The following RASEF variants were observed in gnomAD, a reference collection of about 807,000 sequenced individuals.
RASEF encodes RAS and EF-hand domain containing, also known as ras and EF-hand domain-containing protein.
RASEF carries 68 observed loss-of-function variants against 90.1 expected under a neutral mutation model. The ratio of observed to expected loss-of-function variants is 0.75; its 90% CI spans 0.62 to 0.92. The LOEUF (loss-of-function observed/expected upper bound fraction) is 0.92. Among genes scored for constraint, RASEF ranks in the 40% least tolerant of loss-of-function variants. The probability of loss-of-function intolerance (pLI) is 0.00; values close to 1 mark genes in which losing one functional copy is unlikely to be tolerated. For synonymous variants in RASEF, 331 were observed against 345.2 expected (o/e 0.96, Z 0.46); for missense variants, 949 against 937.2 (o/e 1.01, Z -0.16).
At chr9:83,059,989 C>A (rs923170036) in intron 1 of RASEF, among the ~76,000 whole-genome samples, 1 of 152,154 alleles carries the variant, frequency 6.6e-6, no homozygotes, top group African/African-American at 2.4e-5. Flanking sequence ...GCGAGTTTAA[C>A]CCAAAATTGC....
chr9:83,023,479 C>A (rs2118565043), intron 2 of RASEF, among the ~76,000 whole-genome samples: 1 of 151,680 alleles, frequency 6.6e-6, no homozygotes, highest in East Asian at 1.9e-4. Context: ...GACTTATTTA[C>A]TCCCTCACAC....
At chr9:83,129,218 A>G in the RASEF span, among the ~76,000 whole-genome samples, 3 of 152,188 alleles carry the variant, frequency 2.0e-5, no homozygotes, top group East Asian at 1.9e-4. Context: ...CATCCTGTCT[A>G]ACATGGTGAA....
the RASEF span, among the ~76,000 whole-genome samples, chr9:83,095,686 A>C: frequency 1.1e-3 from 161 of 152,104 alleles, no homozygotes; most frequent in African/African-American, 3.6e-3. Flanking sequence ...TTTACGGCTG[A>C]GTGAATAAAT....
chr9:83,035,880 C>T (rs1367404513), intron 1 of RASEF, among the ~76,000 whole-genome samples: 1 of 152,238 alleles, frequency 6.6e-6, no homozygotes, highest in Admixed American at 6.5e-5. Context: ...ATCCTGTCCA[C>T]ATGAAGCATC....
At chr9:83,102,062 A>T in the RASEF span, among the ~76,000 whole-genome samples, 1 of 152,112 alleles carries the variant, frequency 6.6e-6, no homozygotes, top group African/African-American at 2.4e-5. Flanking sequence ...TGAAAAAAAA[A>T]AGATGGCACA....
rs772674928 is a variant in RASEF, at chr9:83,000,570, C to G, written c.1438G>C (p.Val480Leu). The G allele has an allele frequency of 6.3e-7, 1 of 1,581,588 alleles. No homozygotes were observed. Among genetic ancestry groups the G allele is most frequent in the African/African-American group, 1.4e-5 (1 of 72,768 alleles). ...GTCTCTTCATCCCTTATGTCAGGAACCTATTTTTTTTAAAATGTCAGCAGT... is the reference window on the plus strand; with the variant it reads ...GTCTCTTCATCCCTTATGTCAGGAAGCTATTTTTTTTAAAATGTCAGCAGT... ...SFGGDASDTD[V>L]PDIRDEETFG... Residue 480 changes from valine (V) to leucine (L), a missense_variant and splice_region_variant, in exon 11 of 17, where the codon GTT becomes CTT. Physicochemically the swap from Val to Leu is conservative, Grantham distance 32 (BLOSUM62 1). Around this residue, in one of 3 missense-constraint regions of RASEF, gnomAD observed 288 missense variants for 328.4 expected, o/e 0.88. Transcript: ENST00000376447.
In RASEF at chr9:83,062,835, G is replaced by T. The variant is rs768734649; in HGVS notation, c.33C>A (p.Ala11=). MEADGDGEEL[A]RLRSVFAACD... is the part of the protein sequence containing the mutation. ...AGGCGGCGAAGACTGAGCGCAGCCG[G>T]GCCAGCTCCTCTCCGTCCCCATCCG... The change falls in exon 1 of 17, where the codon GCC becomes GCA. Residue 11 remains alanine, a synonymous_variant. Coordinates refer to ENST00000376447, the MANE Select transcript of RASEF (RefSeq NM_152573.4). The T allele has an allele frequency of 1.3e-6, 2 of 1,545,696 alleles. No individual in the cohort carries two copies. Among genetic ancestry groups the T allele is most frequent in the Non-Finnish European group, 1.7e-6 (2 of 1,157,166 alleles).
chr9:83,031,031 A>G (rs1025576758), intron 1 of RASEF, among the ~76,000 whole-genome samples: 1 of 152,190 alleles, frequency 6.6e-6, no homozygotes, highest in African/African-American at 2.4e-5. Flanking sequence ...CTGAATCACC[A>G]CATGGTGGAA....
the RASEF span, among the ~76,000 whole-genome samples, chr9:83,121,041 A>G: frequency 6.6e-6 from 1 of 152,196 alleles, no homozygotes; most frequent in African/African-American, 2.4e-5. Flanking sequence ...TTCATATTAC[A>G]GTTGCTTTGG....
the RASEF span, among the ~76,000 whole-genome samples, chr9:83,136,891 G>A: frequency 6.6e-6 from 1 of 151,812 alleles, no homozygotes; most frequent in Non-Finnish European, 1.5e-5. Context: ...TTAATTATAT[G>A]AACTGTTTAA....
the RASEF span, among the ~76,000 whole-genome samples, chr9:83,193,752 ATGAC>A: frequency 6.6e-6 from 1 of 152,228 alleles, no homozygotes; most frequent in Non-Finnish European, 1.5e-5. Context: ...CAGGCAATAA[ATGAC>A]TGAAGACAAA....
the RASEF span, among the ~76,000 whole-genome samples, chr9:83,150,252 A>C: frequency 2.9e-4 from 44 of 152,310 alleles, no homozygotes; most frequent in Non-Finnish European, 5.3e-4. Flanking sequence ...AGAAGTTCTG[A>C]AACCCATCAT....
At chr9:83,161,799 CG>C in the RASEF span, among the ~76,000 whole-genome samples, 2 of 151,732 alleles carry the variant, frequency 1.3e-5, no homozygotes, top group African/African-American at 4.8e-5. Context: ...ATTATGGGGG[CG>C]GGTCTTTCCT....
At chr9:83,048,916 T>C (rs1422510093) in intron 1 of RASEF, 2 of 258,100 alleles carry the variant, frequency 7.7e-6, no homozygotes, top group Admixed American at 6.5e-5. Context: ...ATCACCTGAG[T>C]CCAGGAGTTC....
the RASEF span, among the ~76,000 whole-genome samples, chr9:83,210,387 T>C: frequency 6.6e-6 from 1 of 152,218 alleles, no homozygotes; most frequent in Non-Finnish European, 1.5e-5. Flanking sequence ...ACAATATTCT[T>C]ACTTTGCAGA....
chr9:83,207,082 G>A, the RASEF span, among the ~76,000 whole-genome samples: 16 of 152,074 alleles, frequency 1.1e-4, no homozygotes, highest in Non-Finnish European at 1.5e-4. Flanking sequence ...ATCTTGCTCC[G>A]CACATGGAAA....
At chr9:83,015,392 T>C (rs1829324844) in intron 4 of RASEF, among the ~76,000 whole-genome samples, 1 of 152,036 alleles carries the variant, frequency 6.6e-6, no homozygotes, top group Admixed American at 6.5e-5. Context: ...CCTTAAAAGG[T>C]CTTTCAGGCT....
At chr9:83,154,369 AAC>A in the RASEF span, among the ~76,000 whole-genome samples, 1 of 152,088 alleles carries the variant, frequency 6.6e-6, no homozygotes, top group Non-Finnish European at 1.5e-5. Flanking sequence ...TGAAAGTTCA[AAC>A]CTTTCTAGAA....
At chr9:83,082,268 T>G in the RASEF span, among the ~76,000 whole-genome samples, 11 of 152,198 alleles carry the variant, frequency 7.2e-5, no homozygotes, top group Admixed American at 2.6e-4. Flanking sequence ...CCTTCTAAAA[T>G]GAAGATAATT....
Sources: allele counts gnomAD v4.1 joint callset (sites outside exome capture counted in the v4.1 genomes callset), GRCh38; gene constraint gnomAD v4.1.1; regional missense constraint gnomAD v4.1.1; transcripts MANE v1.5; gene names NCBI Gene and HGNC (gene_info 2026-07-23, HGNC 2026-07-21).